The following KIAA1217 variants were observed in gnomAD, a reference collection of about 807,000 sequenced individuals.
KIAA1217 encodes the protein sickle tail protein homolog.
In KIAA1217, 88 loss-of-function variants were observed where a neutral mutation model predicts 163.9. The ratio of observed to expected loss-of-function variants is 0.54; its 90% CI spans 0.45 to 0.64. The LOEUF (loss-of-function observed/expected upper bound fraction) is 0.64, where lower values mean the gene tolerates loss of function less well. Ranked by LOEUF, KIAA1217 falls within the 30% of genes least tolerant of loss-of-function variation. The probability of loss-of-function intolerance (pLI) is 0.00; values close to 1 mark genes in which losing one functional copy is unlikely to be tolerated. For synonymous variants in KIAA1217, 903 were observed against 923.1 expected, an observed-to-expected ratio of 0.98 and a Z score of 0.39; for missense variants, 2,372 against 2,475.0, an observed-to-expected ratio of 0.96 and a Z score of 0.88.
At chr10:24,339,966 A>G (rs1399950549) in intron 2 of KIAA1217, among the ~76,000 whole-genome samples, 2 of 152,284 alleles carry the variant, frequency 1.3e-5, no homozygotes, top group East Asian at 3.9e-4. Context: ...GGGTTAGTAA[A>G]TACAGCGAAT....
In KIAA1217 at chr10:23,695,226, C is replaced by A. The variant is rs1835946646; in HGVS notation, c.-329C>A. The A allele has an allele frequency of 6.6e-6, 1 of 152,634 alleles. No homozygotes were observed. Among genetic ancestry groups the A allele is most frequent in the South Asian group, 2.1e-4 (1 of 4,844 alleles). 9.5% of individuals were successfully genotyped at this position (152,634 alleles called of 1,614,324 possible). On this transcript the variant is annotated 5_prime_UTR_variant, in exon 1 of 19. Transcript: ENST00000376462. This position sits in a 1 kb window ranked among gnomAD's most constrained non-coding sequence, Gnocchi z 4.9. ...AGGAGAGGCGAGGGGGCGGCAGCCT[C>A]GGCCCGAAGTAAGTGCAGCAGAAGT...
chr10:23,704,324 A>G (rs1404588519), intron 1 of KIAA1217, among the ~76,000 whole-genome samples: 2 of 150,392 alleles, frequency 1.3e-5, no homozygotes, highest in Non-Finnish European at 3.0e-5. Flanking sequence ...TGTACAATTC[A>G]TCCATTTAAA....
rs538789818 is a variant in KIAA1217, at chr10:24,485,238, G to A, written c.1680-9262G>A. On this transcript the variant is annotated intron_variant, in intron 6 of 20. Coordinates refer to ENST00000376454, the MANE Select transcript of KIAA1217 (RefSeq NM_019590.5). ...GGATTTCTGTGGGTAGTGGGTGTGA[G>A]AGAATGGGTACCCCTGTTTAACAAG... 9.9e-5 allele frequency among the ~76,000 whole-genome samples: 15 copies of A among 152,248 alleles called. No individual in the cohort carries two copies. In the South Asian group the frequency reaches 2.9e-3, roughly 29 times the overall value.
At chr10:24,453,264 GACTA>G (rs1469171762) in intron 5 of KIAA1217, among the ~76,000 whole-genome samples, 1 of 130,088 alleles carries the variant, frequency 7.7e-6, no homozygotes. Context: ...CTATCTATTT[GACTA>G]TCTATTTGAC....
chr10:24,344,933 A>G (rs1591161812), intron 2 of KIAA1217, among the ~76,000 whole-genome samples: 1 of 152,294 alleles, frequency 6.6e-6, no homozygotes, highest in African/African-American at 2.4e-5. Flanking sequence ...CAGAGAATCC[A>G]ATATCAACCA....
intron 2 of KIAA1217, among the ~76,000 whole-genome samples, chr10:24,168,458 C>G (rs568693686): frequency 6.6e-5 from 10 of 152,296 alleles, no homozygotes; most frequent in African/African-American, 2.2e-4. Context: ...AAGCTGAAAT[C>G]CAGCAGAACA....
At chr10:24,294,134 G>A (rs900956838) in intron 2 of KIAA1217, among the ~76,000 whole-genome samples, 1 of 136,678 alleles carries the variant, frequency 7.3e-6, no homozygotes, top group African/African-American at 2.7e-5. Context: ...CTTGCAGTGA[G>A]CCGAGATAGC....
intron 3 of KIAA1217, among the ~76,000 whole-genome samples, chr10:24,405,552 A>C (rs576490836): frequency 6.6e-6 from 1 of 152,330 alleles, no homozygotes; most frequent in African/African-American, 2.4e-5. Flanking sequence ...TATTTTCTAG[A>C]AGGAGACTGA....
At chr10:24,181,074 G>A (rs147257540) in intron 2 of KIAA1217, among the ~76,000 whole-genome samples, 105 of 152,294 alleles carry the variant, frequency 6.9e-4, no homozygotes, top group African/African-American at 2.4e-3. Flanking sequence ...TTGAGCACAC[G>A]TTAGGAGCTG....
intron 3 of KIAA1217, among the ~76,000 whole-genome samples, chr10:24,403,724 A>G (rs1406886071): frequency 6.6e-6 from 1 of 152,262 alleles, no homozygotes; most frequent in Non-Finnish European, 1.5e-5. Flanking sequence ...AAGAGGAGGT[A>G]CAGATGGTAA....
Position 24,543,922 on chromosome 10 carries a change from C to G in KIAA1217, c.4652C>G (p.Ser1551Cys), listed in dbSNP as rs770511505. ...CTGAACAAGTTCAGCCACGTGGATT[C>G]TCCAAATTCGGAATGCAAGGGTGAG... ...TELNKFSHVD[S>C]PNSECKGEDA... is the part of the protein sequence containing the mutation. Residue 1551 changes from serine to cysteine, a missense_variant, in exon 19 of 21, where the codon TCT becomes TGT. By Grantham distance (112) the Ser-to-Cys change is moderately radical. This residue lies in a region of KIAA1217 where 690 missense variants were observed against 677.5 expected (regional missense o/e 1.02). Coordinates refer to ENST00000376454, the MANE Select transcript of KIAA1217 (RefSeq NM_019590.5). 34 of 1,613,992 alleles carry G rather than the reference C, an allele frequency of 2.1e-5. No individual in the cohort carries two copies. Among genetic ancestry groups the G allele is most frequent in the Middle Eastern group, 1.6e-4 (1 of 6,084 alleles).
intron 2 of KIAA1217, among the ~76,000 whole-genome samples, chr10:24,315,661 G>T (rs1219536749): frequency 6.6e-6 from 1 of 151,726 alleles, no homozygotes; most frequent in Non-Finnish European, 1.5e-5. Context: ...CAAGAGGATG[G>T]CTTGAGGCAG....
intron 1 of KIAA1217, among the ~76,000 whole-genome samples, chr10:23,718,691 T>C (rs1475541178): frequency 2.0e-5 from 3 of 152,030 alleles, no homozygotes; most frequent in Non-Finnish European, 4.4e-5. Context: ...AGTGATAGGA[T>C]TTCTCTTTGT....
At chr10:24,017,041 T>G (rs1292352184) in intron 2 of KIAA1217, among the ~76,000 whole-genome samples, 8 of 16,504 alleles carry the variant, frequency 4.8e-4, no homozygotes, top group African/African-American at 1.2e-3. Context: ...AGTTTTTTTG[T>G]TTTTTTTTTT....
chr10:23,907,137 T>C (rs1342403525), intron 1 of KIAA1217, among the ~76,000 whole-genome samples: 1 of 152,096 alleles, frequency 6.6e-6, no homozygotes, highest in African/African-American at 2.4e-5. Flanking sequence ...CTAAAGACCT[T>C]TATTGGACTG....
At chr10:23,714,209 A>G (rs1396029333) in intron 1 of KIAA1217, among the ~76,000 whole-genome samples, 1 of 150,122 alleles carries the variant, frequency 6.7e-6, no homozygotes, top group Non-Finnish European at 1.5e-5. Flanking sequence ...ATATTGCTGA[A>G]GCGTTCATGA....
intron 1 of KIAA1217, among the ~76,000 whole-genome samples, chr10:23,744,103 C>A (rs540268796): frequency 6.6e-6 from 1 of 152,088 alleles, no homozygotes; most frequent in African/African-American, 2.4e-5. Flanking sequence ...GCTAGATGGG[C>A]CTGGATCAGG....
chr10:23,790,965 C>T (rs1835919632), intron 1 of KIAA1217, among the ~76,000 whole-genome samples: 1 of 151,988 alleles, frequency 6.6e-6, no homozygotes, highest in Non-Finnish European at 1.5e-5. Context: ...AAACTCCTGG[C>T]CTCAAGTGAG....
At chr10:24,045,321 A>G (rs1229911063) in intron 2 of KIAA1217, among the ~76,000 whole-genome samples, 1 of 152,006 alleles carries the variant, frequency 6.6e-6, no homozygotes, top group Non-Finnish European at 1.5e-5. Flanking sequence ...GAAGTATTTA[A>G]AAGTATAGGT....
Sources: allele counts gnomAD v4.1 joint callset (sites outside exome capture counted in the v4.1 genomes callset), GRCh38; gene constraint gnomAD v4.1.1; regional missense constraint gnomAD v4.1.1; non-coding constraint Gnocchi (gnomAD v3.1); transcripts MANE v1.5; gene names NCBI Gene and HGNC (gene_info 2026-07-23, HGNC 2026-07-21).